SHLD1: variants seen among roughly 807,000 people sequenced by gnomAD.
SHLD1 encodes shieldin complex subunit 1.
SHLD1 carries 3 observed loss-of-function variants against 5.5 expected under a neutral mutation model. That is an observed-to-expected ratio of 0.54 (90% confidence interval 0.25 to 1.40). The LOEUF (loss-of-function observed/expected upper bound fraction) is 1.40. SHLD1 is among the 40% of genes most tolerant of loss of function. The pLI is 0.15. For missense variants in SHLD1, 210 were observed against 244.4 expected, an observed-to-expected ratio of 0.86 and a Z score of 0.94; for synonymous variants, 92 against 94.3, an observed-to-expected ratio of 0.98 and a Z score of 0.14.
chr20:5,848,606 G>T (rs889384446), intron 2 of SHLD1, among the ~76,000 whole-genome samples: 2 of 152,190 alleles, frequency 1.3e-5, no homozygotes, highest in African/African-American at 4.8e-5. Flanking sequence ...AAGCAAATAG[G>T]ACAATGTGTT....
intron 1 of SHLD1, among the ~76,000 whole-genome samples, chr20:5,751,819 G>A (rs979023211): frequency 2.0e-5 from 3 of 152,028 alleles, no homozygotes; most frequent in African/African-American, 7.2e-5. Flanking sequence ...TACATTTTAG[G>A]GAGACAGGAG....
chr20:5,773,178 C>T, intron 2 of SHLD1, 135 bp downstream of exon 2: 1 of 1,023,222 alleles, frequency 9.8e-7, no homozygotes. Context: ...AAACATCTTA[C>T]CTAAGCAAAG....
chr20:5,778,359 C>A (rs1254757852), intron 2 of SHLD1, among the ~76,000 whole-genome samples: 1 of 150,256 alleles, frequency 6.7e-6, no homozygotes, highest in African/African-American at 2.4e-5. Flanking sequence ...GATCTCCTGA[C>A]CTTGTGATCC....
intron 2 of SHLD1, among the ~76,000 whole-genome samples, chr20:5,795,632 G>A (rs994182271): frequency 7.5e-5 from 11 of 147,404 alleles, no homozygotes; most frequent in Admixed American, 6.8e-4. Context: ...AAATCAGGCT[G>A]TGTAAGTTTC....
chr20:5,756,681 C>CTTTATTTTTTTTTTTT, intron 1 of SHLD1: 1 of 152,322 alleles, frequency 6.6e-6, no homozygotes, highest in Non-Finnish European at 1.4e-5. Context: ...CATTTTCTTT[C>CTTTATTTTTTTTTTTT]TTTCTTTCTT....
intron 2 of SHLD1, among the ~76,000 whole-genome samples, chr20:5,862,190 A>G (rs1441419575): frequency 1.3e-5 from 2 of 152,232 alleles, no homozygotes; most frequent in East Asian, 1.9e-4. Flanking sequence ...TGCGGACACA[A>G]TTCAGTCCAT....
chr20:5,860,417 G>T (rs534355333), intron 2 of SHLD1, among the ~76,000 whole-genome samples: 1 of 151,940 alleles, frequency 6.6e-6, no homozygotes, highest in East Asian at 1.9e-4. Flanking sequence ...AAAAAATCAG[G>T]CCACCAATCC....
intron 2 of SHLD1, among the ~76,000 whole-genome samples, chr20:5,803,584 A>G (rs1264800043): frequency 2.0e-5 from 3 of 152,132 alleles, no homozygotes; most frequent in Non-Finnish European, 4.4e-5. Context: ...TTAAAAAAAA[A>G]CAAGGGCCAG....
intron 1 of SHLD1, among the ~76,000 whole-genome samples, chr20:5,756,059 A>G (rs1358710385): frequency 6.6e-6 from 1 of 152,026 alleles, no homozygotes; most frequent in Non-Finnish European, 1.5e-5. Context: ...CAGTCTTATG[A>G]TCTCTATTTT....
rs1012676826 is a variant in SHLD1, at chr20:5,770,233, G to A, written c.-4-2629G>A. Among the ~76,000 whole-genome samples, 5 of 152,104 alleles carry A rather than the reference G, an allele frequency of 3.3e-5. No homozygotes were observed. In the East Asian group the frequency reaches 9.6e-4, roughly 29 times the overall value. On this transcript the variant is annotated intron_variant, in intron 1 of 2. Coordinates refer to ENST00000303142, the MANE Select transcript of SHLD1 (RefSeq NM_152504.4). ...TTTTGGAAGAACATTCTAATCAGAG[G>A]TTGTTGCCTTTCTCTAACTCAAAAG...
intron 2 of SHLD1, among the ~76,000 whole-genome samples, chr20:5,820,350 A>T (rs2122409508): frequency 6.6e-6 from 1 of 152,372 alleles, no homozygotes; most frequent in South Asian, 2.1e-4. Flanking sequence ...CTCAACGGAT[A>T]CAAAAGAGTA....
intron 2 of SHLD1, among the ~76,000 whole-genome samples, chr20:5,846,719 G>A (rs117594375): frequency 9.1e-4 from 139 of 152,316 alleles, no homozygotes; most frequent in Non-Finnish European, 1.7e-3. Flanking sequence ...CCCCACACGT[G>A]GACGGGATCG....
chr20:5,844,447 G>C (rs1460885917), intron 2 of SHLD1, among the ~76,000 whole-genome samples: 1 of 152,170 alleles, frequency 6.6e-6, no homozygotes, highest in East Asian at 1.9e-4. Context: ...GTCCCCCTTA[G>C]AGGGATGTGT....
At chr20:5,841,216 T>C (rs2087855648) in intron 2 of SHLD1, among the ~76,000 whole-genome samples, 2 of 152,096 alleles carry the variant, frequency 1.3e-5, no homozygotes. Flanking sequence ...CATGCATATG[T>C]ATACATAAAT....
chr20:5,760,671 C>T (rs540798760), intron 1 of SHLD1, among the ~76,000 whole-genome samples: 15 of 150,828 alleles, frequency 9.9e-5, no homozygotes, highest in East Asian at 2.0e-4. Flanking sequence ...CCAGCCTGGG[C>T]GACAGAGCGA....
At chr20:5,779,069 G>A (rs1018114728) in intron 2 of SHLD1, among the ~76,000 whole-genome samples, 7 of 152,052 alleles carry the variant, frequency 4.6e-5, no homozygotes. Context: ...CAGGCATGGT[G>A]GTGGGCACCT....
intron 2 of SHLD1, among the ~76,000 whole-genome samples, chr20:5,802,313 C>T (rs2087305409): frequency 6.6e-6 from 1 of 152,176 alleles, no homozygotes; most frequent in South Asian, 2.1e-4. Flanking sequence ...TGTTGGTGGC[C>T]TCTATCTGGA....
intron 1 of SHLD1, among the ~76,000 whole-genome samples, chr20:5,769,908 G>T (rs559382481): frequency 2.6e-5 from 4 of 151,150 alleles, no homozygotes; most frequent in Admixed American, 2.0e-4. Flanking sequence ...GGAGGCTGAG[G>T]CAGGAGAATC....
intron 2 of SHLD1, among the ~76,000 whole-genome samples, chr20:5,779,972 GTTTTT>G (rs11381238): frequency 1.2e-5 from 1 of 81,786 alleles, no homozygotes; most frequent in Admixed American, 1.7e-4. Context: ...TACAATTTCT[GTTTTT>G]TTTTTTTTTT....
Sources: gnomAD v4.1 joint callset for allele counts (sites outside exome capture counted in the v4.1 genomes callset) on GRCh38, gnomAD v4.1.1 for gene constraint, MANE v1.5 for transcripts, NCBI Gene and HGNC (gene_info 2026-07-23, HGNC 2026-07-21) for gene names.